The following CHD6 variants were observed in gnomAD, a reference collection of about 807,000 sequenced individuals.
CHD6 encodes the protein chromodomain helicase DNA binding protein 6, also known as ATP-dependent chromatin remodeler CHD6.
Under a neutral mutation model 276.9 loss-of-function variants are expected in CHD6, and 50 were observed. That is an observed-to-expected ratio of 0.18 (90% CI 0.14 to 0.23). CHD6 has a LOEUF of 0.23. CHD6 is among the 10% of genes least tolerant of loss of function. CHD6 has a pLI of 1.00. For missense variants in CHD6, 2,564 were observed against 3,365.8 expected, an observed-to-expected ratio of 0.76 and a Z score of 5.89; for synonymous variants, 1,173 against 1,229.3, an observed-to-expected ratio of 0.95 and a Z score of 0.96.
At chr20:41,526,347 C>T (rs1049501620) in intron 3 of CHD6, among the ~76,000 whole-genome samples, 1 of 152,164 alleles carries the variant, frequency 6.6e-6, no homozygotes. Flanking sequence ...AAACAAGTCT[C>T]CCAACAGAAA....
rs189895014 is a variant in CHD6 at position 41,529,699 on chromosome 20, C to T, written c.554+3351G>A. ...ACCTTTAAGAACTAATGAGATTAAT[C>T]GAGTTGGCCAGGTATAGCGCCAGAG... On this transcript the variant is annotated intron_variant, in intron 3 of 36. Coordinates refer to ENST00000373233, the MANE Select transcript of CHD6 (RefSeq NM_032221.5). Among the ~76,000 whole-genome samples, 241 of 152,048 alleles carry T rather than the reference C, an allele frequency of 1.6e-3. 3 individuals are homozygous for T. Among genetic ancestry groups the T allele is most frequent in the Non-Finnish European group, 5.3e-4 (36 of 67,984 alleles).
At position 41,405,206 on chromosome 20, in the gene CHD6, T is replaced by C. The variant is rs201131554; in HGVS notation, c.7535A>G (p.Lys2512Arg). The part of the protein sequence containing the change: ...FATMPTGEEV[K>R]STLSMLPMML... Reference sequence around the variant, plus strand: ...CATGGGCAGCATGCTCAGGGTACTTTTGACCTCTTCACCTGTTGGCATCGT... The same window carrying C: ...CATGGGCAGCATGCTCAGGGTACTTCTGACCTCTTCACCTGTTGGCATCGT... Residue 2512 changes from lysine to arginine, a missense_variant, in exon 37 of 37, where the codon AAA (lysine) becomes AGA (arginine). Around this residue, in one of 7 missense-constraint regions of CHD6, gnomAD observed 238 missense variants for 266.0 expected, o/e 0.89. Transcript: ENST00000373233. 14 of 1,614,226 alleles carry C rather than the reference T, an allele frequency of 8.7e-6. No homozygotes were observed. Among genetic ancestry groups the C allele is most frequent in the Middle Eastern group, 1.6e-4 (1 of 6,062 alleles).
At chr20:41,426,905 T>C (rs1381019042) in intron 27 of CHD6, among the ~76,000 whole-genome samples, 2 of 152,198 alleles carry the variant, frequency 1.3e-5, no homozygotes, top group East Asian at 3.8e-4. Flanking sequence ...TGGACTCTAA[T>C]TTCAACACTA....
At chr20:41,513,602 CTAAT>C (rs1485512235) in intron 4 of CHD6, among the ~76,000 whole-genome samples, 2 of 152,140 alleles carry the variant, frequency 1.3e-5, no homozygotes, top group Non-Finnish European at 2.9e-5. Flanking sequence ...GGATTCATCT[CTAAT>C]TAAGAAGCTG....
chr20:41,578,841 C>A (rs2045502872), intron 1 of CHD6, among the ~76,000 whole-genome samples: 1 of 150,458 alleles, frequency 6.6e-6, no homozygotes, highest in African/African-American at 2.5e-5. Flanking sequence ...TCAACCTAGA[C>A]AACATAGCAA....
chr20:41,582,152 T>C lies in CHD6; in HGVS notation c.-23-30792A>G, dbSNP rs138963738. Among the ~76,000 whole-genome samples the C allele has an allele frequency of 6.4e-3, 978 of 152,196 alleles. 11 individuals are homozygous for C. Among genetic ancestry groups the C allele is most frequent in the Middle Eastern group, 0.024 (7 of 292 alleles). On this transcript the variant is annotated intron_variant, in intron 1 of 36. Transcript: ENST00000373233. ...AATTCAATTACTTAAAAAAAAAACC[T>C]ACACCTAAAATGTAGTTAAAGAATC...
At chr20:41,599,913 C>G (rs1322455569) in intron 1 of CHD6, among the ~76,000 whole-genome samples, 1 of 152,190 alleles carries the variant, frequency 6.6e-6, no homozygotes, top group Non-Finnish European at 1.5e-5. Context: ...ACTGTGTGGT[C>G]CAACTCCAGC....
At chr20:41,415,003 T>C in intron 34 of CHD6, 183 bp downstream of exon 34, 1 of 1,431,478 alleles carries the variant, frequency 7.0e-7, no homozygotes, top group Non-Finnish European at 9.1e-7. Context: ...TTAAGCGCCA[T>C]TAATGAGTTA....
At chr20:41,467,932 G>A (rs1028136495) in intron 17 of CHD6, among the ~76,000 whole-genome samples, 6 of 151,940 alleles carry the variant, frequency 3.9e-5, no homozygotes, top group African/African-American at 1.5e-4. Flanking sequence ...TGCTTCAGAC[G>A]TGCCGCCTAT....
chr20:41,595,003 A>G (rs1016891498), intron 1 of CHD6, among the ~76,000 whole-genome samples: 2 of 152,210 alleles, frequency 1.3e-5, no homozygotes, highest in African/African-American at 4.8e-5. Flanking sequence ...GGCACTGAGC[A>G]CTTGTCTCTA....
At position 41,420,720 on chromosome 20, in the gene CHD6, G is replaced by A. The variant is rs1271737937; in HGVS notation, c.5915C>T (p.Thr1972Ile). ...AYIPDLFKSK[T>I]NTIAMEGEPT... The stretch of plus-strand genomic sequence containing the variant: ...TTCACCCTCCATGGCGATAGTATTG[G>A]TTTTACTTTTGAACAGATCTGGGAT... Residue 1972 changes from threonine (T) to isoleucine (I), a missense_variant, in exon 31 of 37, where the codon ACC (threonine) becomes ATC (isoleucine). Physicochemically the swap from Thr to Ile is moderately conservative, Grantham distance 89 (BLOSUM62 -1). Coordinates refer to ENST00000373233, the MANE Select transcript of CHD6 (RefSeq NM_032221.5). The A allele has an allele frequency of 5.0e-6, 8 of 1,614,098 alleles. No homozygotes were observed. Among genetic ancestry groups the A allele is most frequent in the African/African-American group, 4.0e-5 (3 of 74,934 alleles).
At chr20:41,509,560 A>T (rs2044064981) in intron 5 of CHD6, among the ~76,000 whole-genome samples, 1 of 152,176 alleles carries the variant, frequency 6.6e-6, no homozygotes, top group South Asian at 2.1e-4. Context: ...AGGCCTATCA[A>T]AGAAGAGTAC....
intron 17 of CHD6, chr20:41,461,685 A>T (rs1317329781): frequency 6.6e-6 from 1 of 152,512 alleles, no homozygotes; most frequent in Non-Finnish European, 1.5e-5. Context: ...TGTGAAAATG[A>T]ACCAATACAT....
intron 3 of CHD6, among the ~76,000 whole-genome samples, chr20:41,528,755 A>G (rs939719752): frequency 1.3e-5 from 2 of 152,250 alleles, no homozygotes; most frequent in African/African-American, 4.8e-5. Context: ...CTCTTAAGCA[A>G]TAAATGAATA....
chr20:41,599,256 C>A (rs894091208), intron 1 of CHD6, among the ~76,000 whole-genome samples: 6 of 152,290 alleles, frequency 3.9e-5, no homozygotes, highest in Admixed American at 2.6e-4. Flanking sequence ...GAGTCTGTGT[C>A]ATGATTGGGG....
intron 2 of CHD6, 60 bp from the exon 3 acceptor site, chr20:41,533,630 G>A (rs1441606180): frequency 1.4e-6 from 2 of 1,435,370 alleles, no homozygotes; most frequent in East Asian, 4.5e-5. Context: ...GACAAAGAGA[G>A]TTACCCAGTT....
intron 31 of CHD6, 114 bp downstream of exon 31, chr20:41,420,394 G>GC: frequency 8.7e-7 from 1 of 1,146,504 alleles, no homozygotes; most frequent in Non-Finnish European, 1.2e-6. Flanking sequence ...GTGAGGGTAG[G>GC]CAGGTCTGTT....
In CHD6 at chr20:41,418,837, G is replaced by A. The variant is rs575574890; in HGVS notation, c.6128-1488C>T. Reference sequence around the variant, plus strand: ...CAGTGAAAGGGACTCCCACCCACGCGTGCACATGATGCTCACCAAAGCTTA... The same window carrying A: ...CAGTGAAAGGGACTCCCACCCACGCATGCACATGATGCTCACCAAAGCTTA... On this transcript the variant is annotated intron_variant, in intron 31 of 36. Transcript: ENST00000373233. Among the ~76,000 whole-genome samples, 37 of 152,268 alleles carry A rather than the reference G, an allele frequency of 2.4e-4. 1 individual carries two copies. The South Asian group carries it at 5.6e-3, about 23-fold the overall frequency.
At chr20:41,425,954 G>A in intron 28 of CHD6, 139 bp downstream of exon 28, 2 of 729,058 alleles carry the variant, frequency 2.7e-6, no homozygotes, top group South Asian at 1.6e-5. Flanking sequence ...TGACTCTAGG[G>A]GAGTTTGATG....
Sources: allele counts gnomAD v4.1 joint callset (sites outside exome capture counted in the v4.1 genomes callset), GRCh38; gene constraint gnomAD v4.1.1; regional missense constraint gnomAD v4.1.1; transcripts MANE v1.5; gene names NCBI Gene and HGNC (gene_info 2026-07-23, HGNC 2026-07-21).